Variants in CENPM observed in about 807,000 individuals in gnomAD.
CENPM encodes the protein interphase centromere complex protein 39.
In CENPM, 14 loss-of-function variants were observed where a neutral mutation model predicts 19.6. That is an observed-to-expected ratio of 0.71 (90% CI 0.47 to 1.11). CENPM has a LOEUF of 1.11. Ranked by LOEUF, CENPM falls within the 50% of genes most tolerant of loss-of-function variation. The pLI is 0.00. For synonymous variants in CENPM, 114 were observed against 101.5 expected (o/e 1.12, Z -0.74); for missense variants, 239 against 228.4 (o/e 1.05, Z -0.30).
chr22:41,943,393 C>T (rs1219935364), intron 5 of CENPM, among the ~76,000 whole-genome samples: 1 of 152,240 alleles, frequency 6.6e-6, no homozygotes, highest in African/African-American at 2.4e-5. Flanking sequence ...CCTCACTTCA[C>T]ACCTGTGTAC....
chr22:41,946,938 T>G, intron 1 of CENPM, 82 bp downstream of exon 1: 1 of 1,435,090 alleles, frequency 7.0e-7, no homozygotes, highest in Non-Finnish European at 9.8e-7. Context: ...GCTTGGCGCC[T>G]CAGAGAGCTC....
downstream of CENPM, among the ~76,000 whole-genome samples, chr22:41,936,925 C>T (rs1467549640): frequency 6.6e-6 from 1 of 152,020 alleles, no homozygotes; most frequent in Non-Finnish European, 1.5e-5. Flanking sequence ...AGACTCCACA[C>T]CCCACCAACC....
At chr22:41,939,716 G>A (rs960779275) in intron 5 of CENPM, among the ~76,000 whole-genome samples, 5 of 141,752 alleles carry the variant, frequency 3.5e-5, no homozygotes, top group South Asian at 2.3e-4. Context: ...CTCTAGGCCC[G>A]GGCACAGATG....
chr22:41,929,794 C>A, the CENPM span, among the ~76,000 whole-genome samples: 1 of 146,494 alleles, frequency 6.8e-6, no homozygotes, highest in Non-Finnish European at 1.5e-5. Context: ...TCCACTTGGG[C>A]CTCCTAAATG....
rs116544275 is a variant in CENPM at position 41,941,833 on chromosome 22, T to C, written c.402+1777A>G. Among the ~76,000 whole-genome samples, 488 of 152,336 alleles carry C rather than the reference T, an allele frequency of 3.2e-3. 6 individuals are homozygous for C. The highest frequency in any genetic ancestry group is 0.011 in the African/African-American group (464 of 41,580). On this transcript the variant is annotated intron_variant, in intron 5 of 5. Transcript: ENST00000215980. ...CAAATGCGTGATAGAGTCAAGTGTG[T>C]ATCATGATCGATGCATCGAGCAAGG...
intron 5 of CENPM, among the ~76,000 whole-genome samples, chr22:41,941,534 T>A (rs2077738887): frequency 6.6e-6 from 1 of 152,140 alleles, no homozygotes; most frequent in Admixed American, 6.5e-5. Context: ...GCACCTGAAC[T>A]ATGGAGCAAA....
rs773169244 is a variant in CENPM, at chr22:41,946,516, G to A, written c.58-20C>T. On this transcript the variant is annotated intron_variant, in intron 1 of 5. Coordinates refer to ENST00000215980, the MANE Select transcript of CENPM (RefSeq NM_024053.5). ...CACCAGCTGCGCAGGGAGAGAGAGC[G>A]GACAGTCGAGCCCTAGGCACAGCAC... 4 of 1,609,008 alleles carry A rather than the reference G, an allele frequency of 2.5e-6. No homozygotes were observed. In the South Asian group the frequency reaches 3.3e-5, roughly 13 times the overall value.
At chr22:41,943,789 C>G in intron 4 of CENPM, 88 bp from the exon 5 acceptor site, 1 of 1,143,416 alleles carries the variant, frequency 8.7e-7, no homozygotes, top group Non-Finnish European at 1.3e-6. Flanking sequence ...CTCACTTCCC[C>G]ACTCTGGGGC....
chr22:41,933,372 G>A, the CENPM span, among the ~76,000 whole-genome samples: 13 of 152,016 alleles, frequency 8.6e-5, no homozygotes, highest in Non-Finnish European at 1.8e-4. Flanking sequence ...TGGGGGTGGG[G>A]GTGAGGCCCA....
At chr22:41,946,092 C>T in intron 2 of CENPM, 87 bp from the exon 3 acceptor site, 1 of 1,170,600 alleles carries the variant, frequency 8.5e-7, no homozygotes, top group Non-Finnish European at 1.2e-6. Context: ...TGGAAAGAGG[C>T]CGTCAAGGGC....
chr22:41,940,580 T>C (rs1166111670), intron 5 of CENPM, among the ~76,000 whole-genome samples: 1 of 152,098 alleles, frequency 6.6e-6, no homozygotes, highest in African/African-American at 2.4e-5. Context: ...AAGACTGGGT[T>C]TCACCATGTT....
chr22:41,945,183 C>T (rs769777244), intron 4 of CENPM, 42 bp downstream of exon 4: 2 of 1,613,590 alleles, frequency 1.2e-6, no homozygotes, highest in Non-Finnish European at 1.7e-6. Context: ...CCAGCTTTCC[C>T]TTGGCTGGGG....
At chr22:41,946,093 C>T (rs940150774) in intron 2 of CENPM, 88 bp from the exon 3 acceptor site, 1 of 1,171,964 alleles carries the variant, frequency 8.5e-7, no homozygotes, top group Non-Finnish European at 1.2e-6. Flanking sequence ...GGAAAGAGGC[C>T]GTCAAGGGCT....
At chr22:41,932,444 ACACCAGGGGAGGGCAGGT>A in the CENPM span, among the ~76,000 whole-genome samples, 1 of 152,146 alleles carries the variant, frequency 6.6e-6, no homozygotes, top group Non-Finnish European at 1.5e-5. The surrounding 1 kb of genome is among the most constrained non-coding windows in gnomAD (Gnocchi z 4.3). Flanking sequence ...CCCCGAACCC[ACACCAGGGGAGGGCAGGT>A]CACGCCCTTC....
intron 5 of CENPM, among the ~76,000 whole-genome samples, chr22:41,939,608 G>GGATAC (rs1403547976): frequency 2.0e-5 from 3 of 151,750 alleles, no homozygotes; most frequent in Non-Finnish European, 4.4e-5. Flanking sequence ...GGATAGGAAG[G>GGATAC]AGGGAGGGGC....
At chr22:41,945,016 G>A (rs564212913) in intron 4 of CENPM, 1 of 1,386,628 alleles carries the variant, frequency 7.2e-7, no homozygotes, top group African/African-American at 1.5e-5. Context: ...TTGTTGTACA[G>A]ATCATTGTCA....
chr22:41,943,752 GAATT>G, intron 4 of CENPM, 51 bp from the exon 5 acceptor site: 1 of 1,529,208 alleles, frequency 6.5e-7, no homozygotes, highest in Non-Finnish European at 9.0e-7. Flanking sequence ...TTCCTGGCTG[GAATT>G]CAGGAAGTGC....
the CENPM span, chr22:41,928,092 A>C: frequency 3.1e-6 from 1 of 327,324 alleles, no homozygotes; most frequent in Non-Finnish European, 6.1e-6. The surrounding 1 kb of genome is among the most constrained non-coding windows in gnomAD (Gnocchi z 4.0). Context: ...CTTATCTAGC[A>C]CATTAGGGAG....
the CENPM span, among the ~76,000 whole-genome samples, chr22:41,932,460 G>A: frequency 6.6e-6 from 1 of 152,210 alleles, no homozygotes; most frequent in Non-Finnish European, 1.5e-5. This position sits in a 1 kb window ranked among gnomAD's most constrained non-coding sequence, Gnocchi z 4.3. Context: ...GGGGAGGGCA[G>A]GTCACGCCCT....
Sources: gnomAD v4.1 joint callset for allele counts (sites outside exome capture counted in the v4.1 genomes callset) on GRCh38, gnomAD v4.1.1 for gene constraint, Gnocchi (gnomAD v3.1) non-coding constraint, MANE v1.5 for transcripts, NCBI Gene and HGNC (gene_info 2026-07-23, HGNC 2026-07-21) for gene names.